The following RGS6 variants were observed in gnomAD, a reference collection of about 807,000 sequenced individuals.
RGS6 encodes regulator of G protein signaling 6, also known as regulator of G-protein signaling 6.
A neutral mutation model predicts 78.5 loss-of-function variants in RGS6; 30 were observed. The observed-to-expected ratio is 0.38, with a 90% CI of 0.29 to 0.52. The LOEUF (loss-of-function observed/expected upper bound fraction) is 0.52, where lower values mean the gene tolerates loss of function less well. Among genes scored for constraint, RGS6 ranks in the 20% least tolerant of loss-of-function variants. The pLI is 0.85. For missense variants in RGS6, 495 were observed against 609.7 expected (o/e 0.81, Z 1.98); for synonymous variants, 206 against 206.0 (o/e 1.00, Z 0.00).
intron 2 of RGS6, among the ~76,000 whole-genome samples, chr14:71,975,870 A>T (rs954492124): frequency 1.3e-5 from 2 of 151,952 alleles, no homozygotes; most frequent in Non-Finnish European, 2.9e-5. Flanking sequence ...TCTAGATTTC[A>T]TGTGTTTCTT....
chr14:72,313,362 A>G (rs1408554066), intron 2 of RGS6, among the ~76,000 whole-genome samples: 1 of 152,228 alleles, frequency 6.6e-6, no homozygotes, highest in Non-Finnish European at 1.5e-5. Context: ...CATAGGTCAC[A>G]TGCCCTTGAA....
chr14:72,492,103 A>G (rs1250558158), intron 12 of RGS6, among the ~76,000 whole-genome samples: 2 of 152,324 alleles, frequency 1.3e-5, no homozygotes, highest in South Asian at 2.1e-4. Flanking sequence ...AAAGTGTGAT[A>G]CCTTTCCTCA....
intron 2 of RGS6, among the ~76,000 whole-genome samples, chr14:72,331,349 T>C (rs1467586415): frequency 6.6e-6 from 1 of 152,202 alleles, no homozygotes; most frequent in Non-Finnish European, 1.5e-5. Context: ...ATTTTGTTTA[T>C]AACCTTGGAA....
chr14:72,250,587 T>C (rs2055489737), intron 2 of RGS6, among the ~76,000 whole-genome samples: 1 of 142,070 alleles, frequency 7.0e-6, no homozygotes, highest in Non-Finnish European at 1.6e-5. Flanking sequence ...ATAATAGTCA[T>C]TGATATAGAC....
chr14:72,527,491 G>C (rs2097133305), intron 15 of RGS6, among the ~76,000 whole-genome samples: 1 of 152,178 alleles, frequency 6.6e-6, no homozygotes, highest in South Asian at 2.1e-4. Flanking sequence ...TAAAATGGGG[G>C]TGTTTAAACC....
chr14:72,482,241 A>G (rs777783713), intron 12 of RGS6, among the ~76,000 whole-genome samples: 10 of 152,192 alleles, frequency 6.6e-5, no homozygotes, highest in Non-Finnish European at 1.0e-4. Flanking sequence ...ATTATGCTTT[A>G]AAACTGTCAG....
chr14:72,619,300 G>C, the RGS6 span: 13,120 of 1,536,054 alleles, frequency 8.5e-3, 1,009 homozygotes, highest in African/African-American at 0.16. Flanking sequence ...TGGGGCCCTA[G>C]GCCTGGCAGC....
chr14:72,224,791 G>C (rs978128419), intron 2 of RGS6, among the ~76,000 whole-genome samples: 4 of 152,006 alleles, frequency 2.6e-5, no homozygotes, highest in Admixed American at 6.6e-5. Flanking sequence ...TCTACATCAA[G>C]AGCCTCTGAC....
chr14:72,558,366 C>T (rs1342491543), intron 17 of RGS6, among the ~76,000 whole-genome samples: 1 of 152,150 alleles, frequency 6.6e-6, no homozygotes, highest in Admixed American at 6.5e-5. Context: ...CCCAATCTGA[C>T]CCCCAGGGCT....
intron 2 of RGS6, among the ~76,000 whole-genome samples, chr14:72,163,364 A>G (rs1018609711): frequency 3.9e-5 from 6 of 152,238 alleles, no homozygotes; most frequent in Admixed American, 1.3e-4. Context: ...AATGAGGTTG[A>G]TAATTCAGTG....
intron 3 of RGS6, among the ~76,000 whole-genome samples, chr14:72,354,483 A>AAAT (rs1240001855): frequency 2.6e-5 from 4 of 151,646 alleles, no homozygotes; most frequent in African/African-American, 9.7e-5. Flanking sequence ...AAAAAAAAAA[A>AAAT]AAAATAGCTG....
At chr14:72,589,330 A>G in the RGS6 span, among the ~76,000 whole-genome samples, 1 of 152,192 alleles carries the variant, frequency 6.6e-6, no homozygotes, top group Non-Finnish European at 1.5e-5. Context: ...CAGGTATATC[A>G]CTTGAGCCCA....
chr14:72,558,928 G>T (rs556166044), intron 17 of RGS6, among the ~76,000 whole-genome samples: 1 of 152,138 alleles, frequency 6.6e-6, no homozygotes, highest in African/African-American at 2.4e-5. Flanking sequence ...CAGCTGCTTC[G>T]CTCAGCTACG....
intron 2 of RGS6, among the ~76,000 whole-genome samples, chr14:72,127,988 G>GT (rs2096240418): frequency 2.0e-5 from 3 of 151,994 alleles, no homozygotes; most frequent in Non-Finnish European, 4.4e-5. Context: ...GTTGTTGCAC[G>GT]TATCAAGGGC....
rs35957548 is a variant in RGS6 at position 71,973,370 on chromosome 14, CT to C, written c.84+8508del. Among the ~76,000 whole-genome samples the C allele has an allele frequency of 4.3e-3, 622 of 144,454 alleles. 3 individuals are homozygous for C. The highest frequency in any genetic ancestry group is 7.3e-3 in the African/African-American group (288 of 39,468). 94.8% of individuals were successfully genotyped at this position (144,454 alleles called of 152,430 possible). ...CACTTAGGGCTTGTTTTTTTTCACT[CT>C]TTTTTTTTTTTTAACATTAAATAAA... On this transcript the variant is annotated intron_variant, in intron 2 of 17. Transcript: ENST00000553525.
At chr14:72,289,989 T>G (rs1258533341) in intron 2 of RGS6, among the ~76,000 whole-genome samples, 1 of 152,124 alleles carries the variant, frequency 6.6e-6, no homozygotes, top group Admixed American at 6.5e-5. Flanking sequence ...ATGAAGAAAA[T>G]TGGCATTTAA....
chr14:72,601,069 A>G, the RGS6 span, among the ~76,000 whole-genome samples: 4 of 144,454 alleles, frequency 2.8e-5, no homozygotes, highest in Non-Finnish European at 4.6e-5. Context: ...GAGGAGGGGG[A>G]GGAGGAGGAA....
At chr14:72,043,039 A>G (rs887108707) in intron 2 of RGS6, among the ~76,000 whole-genome samples, 2 of 152,122 alleles carry the variant, frequency 1.3e-5, no homozygotes, top group Non-Finnish European at 2.9e-5. Flanking sequence ...TTGAACATTA[A>G]TTCTGCTTCT....
At chr14:72,527,590 ATC>A (rs1598735728) in intron 15 of RGS6, among the ~76,000 whole-genome samples, 1 of 152,346 alleles carries the variant, frequency 6.6e-6, no homozygotes, top group East Asian at 1.9e-4. Flanking sequence ...TTTCTCCAGA[ATC>A]TCTCTCATCC....
Sources: gnomAD v4.1 joint callset for allele counts (sites outside exome capture counted in the v4.1 genomes callset) on GRCh38, gnomAD v4.1.1 for gene constraint, MANE v1.5 for transcripts, NCBI Gene and HGNC (gene_info 2026-07-23, HGNC 2026-07-21) for gene names.